The following ZIM2 variants were observed in gnomAD, a reference collection of about 807,000 sequenced individuals.
ZIM2 encodes the protein zinc finger protein 656.
ZIM2 carries 14 observed loss-of-function variants against 38.6 expected under a neutral mutation model. That is an observed-to-expected ratio of 0.36 (90% CI 0.24 to 0.57). ZIM2 has a LOEUF of 0.57. Among genes scored for constraint, ZIM2 ranks in the 20% least tolerant of loss-of-function variants. The pLI is 0.81. For missense variants in ZIM2, 680 were observed against 695.1 expected (o/e 0.98, Z 0.24); for synonymous variants, 247 against 245.8 (o/e 1.00, Z -0.04).
intron 9 of ZIM2, among the ~76,000 whole-genome samples, chr19:56,800,595 CAGTA>C (rs995197650): frequency 1.3e-5 from 2 of 151,546 alleles, no homozygotes; most frequent in African/African-American, 4.9e-5. Flanking sequence ...AGAAAGGAAC[CAGTA>C]AGTAAGAGAG....
intron 9 of ZIM2, among the ~76,000 whole-genome samples, chr19:56,797,000 T>C (rs115305946): frequency 2.3e-3 from 349 of 151,744 alleles, no homozygotes; most frequent in African/African-American, 8.0e-3. Context: ...TATTATTCTA[T>C]TGATTTAAAG....
chr19:56,813,835 G>A, intron 9 of ZIM2: 1 of 1,614,180 alleles, frequency 6.2e-7, no homozygotes, highest in East Asian at 2.2e-5. Context: ...AAAGGCATTT[G>A]CAGGCTCAAA....
At chr19:56,816,211 T>A in intron 9 of ZIM2, 2 of 1,614,210 alleles carry the variant, frequency 1.2e-6, no homozygotes, top group Non-Finnish European at 8.5e-7. Context: ...TTCGTCCTCA[T>A]CACTTTCAAG....
chr19:56,795,455 A>G (rs8109967), intron 9 of ZIM2, among the ~76,000 whole-genome samples: 2,758 of 152,266 alleles, frequency 0.018, 97 homozygotes, highest in African/African-American at 0.063. Flanking sequence ...CCCCGGGCCC[A>G]GCGAACTTAC....
chr19:56,821,752 T>A lies in ZIM2; in HGVS notation c.193A>T (p.Met65Leu), dbSNP rs1293206854. 1.9e-6 allele frequency: 3 copies of A among 1,613,642 alleles called. No homozygotes were observed. The highest frequency in any genetic ancestry group is 1.3e-5 in the African/African-American group (1 of 74,884). The change falls in exon 7 of 13, where the codon ATG (methionine) becomes TTG (leucine). Residue 65 changes from methionine (M) to leucine (L), a missense_variant and splice_region_variant. Coordinates refer to ENST00000629319, the MANE Select transcript of ZIM2 (RefSeq NM_001387356.1). ...GGAAGGGAAAGATCCCGCGGAGGCA[T>A]CCCTGGGAAGAAAAAAGGCATCAAC... ...WSHTRNPRSRMPPRDLSLPVV... is the reference protein window; with the variant it reads ...WSHTRNPRSRLPPRDLSLPVV...
chr19:56,839,143 T>C (rs534650169), intron 1 of ZIM2, among the ~76,000 whole-genome samples: 14 of 151,330 alleles, frequency 9.3e-5, no homozygotes, highest in Middle Eastern at 7.0e-3. Flanking sequence ...GGCGCCCAGG[T>C]GGGTGGGGCT....
At chr19:56,831,762 A>G (rs2061588572) in intron 2 of ZIM2, among the ~76,000 whole-genome samples, 1 of 152,244 alleles carries the variant, frequency 6.6e-6, no homozygotes, top group Non-Finnish European at 1.5e-5. Flanking sequence ...GTATTGCAAA[A>G]CATTCACCAT....
At position 56,775,030 on chromosome 19, in the gene ZIM2, A is replaced by T; in HGVS notation, c.1335T>A (p.Cys445Ter). ...RIHSQEDYFE[C>*]FQCGKAFLQN... Reference sequence around the variant, plus strand: ...GGAGAAAAGCTTTGCCGCACTGAAAACATTCAAAGTAGTCCTCCTGACTGT... The same window carrying T: ...GGAGAAAAGCTTTGCCGCACTGAAATCATTCAAAGTAGTCCTCCTGACTGT... The change falls in exon 13 of 13, where the codon TGT (cysteine) becomes TGA (stop). Residue 445 changes from cysteine to a stop codon, truncating the protein, a stop_gained. Coordinates refer to ENST00000629319, the MANE Select transcript of ZIM2 (RefSeq NM_001387356.1). LOFTEE classifies it low-confidence loss of function (END_TRUNC). 6.2e-7 allele frequency: 1 copy of T among 1,614,162 alleles called. No homozygotes were observed. Among genetic ancestry groups the T allele is most frequent in the African/African-American group, 1.3e-5 (1 of 75,040 alleles).
At chr19:56,828,560 C>T (rs1353863339) in intron 2 of ZIM2, among the ~76,000 whole-genome samples, 2 of 152,130 alleles carry the variant, frequency 1.3e-5, no homozygotes, top group Non-Finnish European at 2.9e-5. Context: ...ACTGAAAGGC[C>T]ACCACGTGGG....
intron 6 of ZIM2, 47 bp from the exon 7 acceptor site, chr19:56,821,801 T>C (rs1300802706): frequency 6.2e-7 from 1 of 1,604,648 alleles, no homozygotes; most frequent in South Asian, 1.1e-5. Context: ...CAGTCCATCC[T>C]GCAGGTCCCA....
At chr19:56,817,454 T>G (rs761028162) in intron 9 of ZIM2, 13 of 1,613,888 alleles carry the variant, frequency 8.1e-6, no homozygotes, top group Non-Finnish European at 1.0e-5. Flanking sequence ...TCCCTTGCTC[T>G]TCCCGATTTG....
chr19:56,789,837 A>G (rs1252363299), intron 10 of ZIM2, 35 bp downstream of exon 10: 4 of 1,489,432 alleles, frequency 2.7e-6, no homozygotes, highest in Non-Finnish European at 3.6e-6. Context: ...AGATCCCCAT[A>G]TTTGATAACC....
intron 12 of ZIM2, 49 bp from the exon 13 acceptor site, chr19:56,775,578 G>GC (rs755877442): frequency 1.4e-5 from 22 of 1,537,200 alleles, no homozygotes; most frequent in Admixed American, 4.1e-5. Flanking sequence ...ATCCAATCCT[G>GC]CCCCCCAATA....
chr19:56,797,547 C>A (rs1005805129), intron 9 of ZIM2, among the ~76,000 whole-genome samples: 1 of 152,080 alleles, frequency 6.6e-6, no homozygotes, highest in African/African-American at 2.4e-5. Flanking sequence ...TTCTCTTATG[C>A]CTGTGAAAAC....
At chr19:56,787,848 T>C (rs1015033474) in intron 10 of ZIM2, among the ~76,000 whole-genome samples, 2 of 152,004 alleles carry the variant, frequency 1.3e-5, no homozygotes, top group African/African-American at 4.8e-5. Context: ...TTTATCCATT[T>C]CTTCTAGATT....
Position 56,814,025 on chromosome 19 carries a change from C to A in ZIM2, c.490+3721G>T, listed in dbSNP as rs778184535. ...TCGTCGGCATCTCCCTCTGGCTCTT[C>A]AGCTTTTCCCTCTGGCTCTTCAGCT... is the stretch of plus-strand genomic sequence containing the variant. On this transcript the variant is annotated intron_variant, in intron 9 of 12. Transcript: ENST00000629319. This position sits in a 1 kb window ranked among gnomAD's most constrained non-coding sequence, Gnocchi z 5.8. 1 of 1,613,350 alleles carries A rather than the reference C, an allele frequency of 6.2e-7. No individual in the cohort carries two copies. Among genetic ancestry groups the A allele is most frequent in the Non-Finnish European group, 8.5e-7 (1 of 1,179,340 alleles).
chr19:56,831,288 G>A (rs554981627), intron 2 of ZIM2, among the ~76,000 whole-genome samples: 77 of 152,274 alleles, frequency 5.1e-4, no homozygotes, highest in Non-Finnish European at 6.8e-4. Context: ...GACACATGGG[G>A]ACTTAATTTA....
intron 2 of ZIM2, among the ~76,000 whole-genome samples, chr19:56,830,083 T>C (rs531661344): frequency 4.9e-4 from 74 of 152,338 alleles, no homozygotes; most frequent in African/African-American, 1.7e-3. Flanking sequence ...ATCAGAGCTG[T>C]GCTTGAAGAT....
chr19:56,819,899 G>A (rs559242197), intron 7 of ZIM2, among the ~76,000 whole-genome samples: 3 of 152,214 alleles, frequency 2.0e-5, no homozygotes, highest in South Asian at 2.1e-4. Flanking sequence ...AAAGAGGTAC[G>A]GGTATCTGGG....
Sources: gnomAD v4.1 joint callset for allele counts (sites outside exome capture counted in the v4.1 genomes callset) on GRCh38, gnomAD v4.1.1 for gene constraint, Gnocchi (gnomAD v3.1) non-coding constraint, MANE v1.5 for transcripts, NCBI Gene and HGNC (gene_info 2026-07-23, HGNC 2026-07-21) for gene names.